The following CCSER1 variants were observed in gnomAD, a reference collection of about 807,000 sequenced individuals.
CCSER1 encodes coiled-coil serine rich protein 1.
A neutral mutation model predicts 82.0 loss-of-function variants in CCSER1; 41 were observed. That is an observed-to-expected ratio of 0.50 (90% CI 0.39 to 0.65). CCSER1 has a LOEUF of 0.65. Among genes scored for constraint, CCSER1 ranks in the 30% least tolerant of loss-of-function variants. The probability of loss-of-function intolerance (pLI) is 0.00; values close to 1 mark genes in which losing one functional copy is unlikely to be tolerated. For missense variants in CCSER1, 1,119 were observed against 1,064.2 expected, an observed-to-expected ratio of 1.05 and a Z score of -0.72; for synonymous variants, 414 against 383.9, an observed-to-expected ratio of 1.08 and a Z score of -0.92.
intron 5 of CCSER1, among the ~76,000 whole-genome samples, chr4:90,529,705 A>G (rs1216022999): frequency 6.6e-6 from 1 of 152,084 alleles, no homozygotes; most frequent in African/African-American, 2.4e-5. Flanking sequence ...TCAACATTTA[A>G]CGAAATGTGG....
intron 10 of CCSER1, among the ~76,000 whole-genome samples, chr4:91,484,218 A>C (rs1417034780): frequency 6.6e-6 from 1 of 152,012 alleles, no homozygotes; most frequent in Non-Finnish European, 1.5e-5. Context: ...GAAAAACACT[A>C]AATTCAGCTT....
At position 91,149,521 on chromosome 4, in the gene CCSER1, G is replaced by A. The variant is rs559124374; in HGVS notation, c.2217+63527G>A. Among the ~76,000 whole-genome samples, 63 of 152,280 alleles carry A rather than the reference G, an allele frequency of 4.1e-4. 2 individuals carry two copies. In the South Asian group the frequency reaches 0.013, roughly 31 times the overall value. On this transcript the variant is annotated intron_variant, in intron 10 of 10. Transcript: ENST00000509176. ...GTCAATTCTGGCTTTTGTTGCCATT[G>A]CTTTTGGTGTTTTAGACATGAAGAC...
intron 1 of CCSER1, among the ~76,000 whole-genome samples, chr4:90,278,295 A>ATG (rs1440153178): frequency 6.6e-6 from 1 of 152,150 alleles, no homozygotes; most frequent in Non-Finnish European, 1.5e-5. Flanking sequence ...TAAGTGTTGA[A>ATG]CTACCATTCA....
At chr4:91,154,708 C>A (rs1416773086) in intron 10 of CCSER1, among the ~76,000 whole-genome samples, 1 of 151,920 alleles carries the variant, frequency 6.6e-6, no homozygotes, top group African/African-American at 2.4e-5. Flanking sequence ...AAGAAGTAAA[C>A]CAGTAACTAT....
intron 7 of CCSER1, among the ~76,000 whole-genome samples, chr4:90,739,469 C>T (rs556294093): frequency 6.6e-6 from 1 of 152,340 alleles, no homozygotes; most frequent in Admixed American, 6.5e-5. Context: ...GCTGCCCCAG[C>T]TTGTGTCTCA....
At chr4:90,582,133 A>T (rs1180230462) in intron 5 of CCSER1, among the ~76,000 whole-genome samples, 2 of 151,696 alleles carry the variant, frequency 1.3e-5, no homozygotes, top group African/African-American at 4.8e-5. Flanking sequence ...CAGCTCTCCC[A>T]CCCCCAAGAG....
chr4:91,228,860 A>T (rs916896694), intron 10 of CCSER1, among the ~76,000 whole-genome samples: 1 of 152,164 alleles, frequency 6.6e-6, no homozygotes, highest in African/African-American at 2.4e-5. Context: ...GGTTCTGGGG[A>T]TAGCATTCAG....
intron 9 of CCSER1, among the ~76,000 whole-genome samples, chr4:90,988,399 A>G (rs1736756055): frequency 6.7e-6 from 1 of 148,372 alleles, no homozygotes; most frequent in African/African-American, 2.5e-5. Context: ...CCTGGTCTTG[A>G]CATTTTTTTT....
intron 10 of CCSER1, among the ~76,000 whole-genome samples, chr4:91,507,524 G>T (rs1355635140): frequency 6.6e-6 from 1 of 152,000 alleles, no homozygotes; most frequent in Non-Finnish European, 1.5e-5. Context: ...TGCCTCTGGG[G>T]TTCACGCCAT....
intron 1 of CCSER1, among the ~76,000 whole-genome samples, chr4:90,143,905 G>A (rs1469634916): frequency 6.6e-6 from 1 of 151,936 alleles, no homozygotes; most frequent in East Asian, 1.9e-4. Context: ...ACTTAGGTTT[G>A]TCTTGAACTC....
intron 6 of CCSER1, among the ~76,000 whole-genome samples, chr4:90,661,760 A>T (rs116238372): frequency 0.021 from 3,243 of 152,256 alleles, 53 homozygotes; most frequent in Non-Finnish European, 0.034. Flanking sequence ...GAGATTTTAT[A>T]CACTGTTTTT....
chr4:90,650,209 T>C (rs561050317), intron 6 of CCSER1, among the ~76,000 whole-genome samples: 1 of 149,924 alleles, frequency 6.7e-6, no homozygotes, highest in South Asian at 2.1e-4. Flanking sequence ...TGAGCAAGAC[T>C]CCGTCTCAAA....
intron 1 of CCSER1, among the ~76,000 whole-genome samples, chr4:90,196,656 TACACACACAC>T (rs34346681): frequency 7.6e-5 from 11 of 143,896 alleles, no homozygotes; most frequent in Admixed American, 2.8e-4. Flanking sequence ...CCTGCTCAGA[TACACACACAC>T]ACACACACAC....
At chr4:91,149,977 C>T (rs1285230173) in intron 10 of CCSER1, among the ~76,000 whole-genome samples, 2 of 152,044 alleles carry the variant, frequency 1.3e-5, no homozygotes, top group African/African-American at 4.8e-5. Context: ...TTTTTGGTTC[C>T]ATGTGAACTT....
Position 90,128,818 on chromosome 4 carries a change from C to T in CCSER1, c.-42+987C>T, listed in dbSNP as rs187561589. 2.1e-3 allele frequency among the ~76,000 whole-genome samples: 312 copies of T among 152,034 alleles called. 4 individuals are homozygous for T. The highest frequency in any genetic ancestry group is 6.6e-3 in the African/African-American group (274 of 41,480). Reference sequence around the variant, plus strand: ...GGGTTTCCTTTTAGTGTATCCTGAACTGCTCTCTTTCTCTCTCTCTCTCTC... The same window carrying T: ...GGGTTTCCTTTTAGTGTATCCTGAATTGCTCTCTTTCTCTCTCTCTCTCTC... On this transcript the variant is annotated intron_variant, in intron 1 of 10. Transcript: ENST00000509176.
intron 10 of CCSER1, among the ~76,000 whole-genome samples, chr4:91,158,666 C>T (rs1731068356): frequency 6.6e-6 from 1 of 151,552 alleles, no homozygotes; most frequent in Admixed American, 6.6e-5. Context: ...GATGGACACA[C>T]AAACGTGCAG....
intron 9 of CCSER1, among the ~76,000 whole-genome samples, chr4:90,961,812 G>C (rs1223738142): frequency 1.3e-5 from 2 of 151,872 alleles, no homozygotes; most frequent in African/African-American, 4.8e-5. Context: ...ATATAATATA[G>C]AATTGTTTTA....
intron 10 of CCSER1, among the ~76,000 whole-genome samples, chr4:91,479,377 T>A (rs1289219801): frequency 6.6e-6 from 1 of 151,832 alleles, no homozygotes. Flanking sequence ...TATTTACAAC[T>A]GATATGATAG....
chr4:91,317,011 T>C (rs1454070104), intron 10 of CCSER1, among the ~76,000 whole-genome samples: 1 of 151,964 alleles, frequency 6.6e-6, no homozygotes, highest in African/African-American at 2.4e-5. Flanking sequence ...AATAATGTAT[T>C]GTAAATTTCA....
Sources: gnomAD v4.1 joint callset for allele counts (sites outside exome capture counted in the v4.1 genomes callset) on GRCh38, gnomAD v4.1.1 for gene constraint, MANE v1.5 for transcripts, NCBI Gene and HGNC (gene_info 2026-07-23, HGNC 2026-07-21) for gene names.